Variants in RADIL observed in about 807,000 individuals in gnomAD.
The protein encoded by RADIL is ras-associating and dilute domain-containing protein.
A neutral mutation model predicts 97.6 loss-of-function variants in RADIL; 99 were observed. That is an observed-to-expected ratio of 1.01 (90% CI 0.86 to 1.20). The LOEUF is 1.20. Among genes scored for constraint, RADIL ranks in the 50% most tolerant of loss-of-function variants. The probability of loss-of-function intolerance (pLI) is 0.00; values close to 1 mark genes in which losing one functional copy is unlikely to be tolerated. For synonymous variants in RADIL, 803 were observed against 691.8 expected, an observed-to-expected ratio of 1.16 and a Z score of -2.52; for missense variants, 1,765 against 1,498.9, an observed-to-expected ratio of 1.18 and a Z score of -2.93.
At chr7:4,830,344 G>A (rs1427597059) in intron 5 of RADIL, among the ~76,000 whole-genome samples, 3 of 152,138 alleles carry the variant, frequency 2.0e-5, no homozygotes, top group Non-Finnish European at 4.4e-5. Flanking sequence ...GAGTGGGAGC[G>A]TAGGCCGCAG....
intron 9 of RADIL, chr7:4,808,821 G>GACGCCACTGCCCCTCCGCGTCTCCTTCCA (rs758444451): frequency 2.2e-6 from 2 of 925,390 alleles, no homozygotes; most frequent in Non-Finnish European, 2.5e-6. Context: ...GTCTCCTTCC[G>GACGCCACTGCCCCTCCGCGTCTCCTTCCA]ACGCCACTGC....
rs1360109092 is a variant in RADIL at position 4,821,178 on chromosome 7, C to T, written c.1615+1216G>A. Among the ~76,000 whole-genome samples, 1 of 152,214 alleles carries T rather than the reference C, an allele frequency of 6.6e-6. No individual in the cohort carries two copies. The highest frequency in any genetic ancestry group is 2.4e-5 in the African/African-American group (1 of 41,450). On this transcript the variant is annotated intron_variant, in intron 6 of 14. Coordinates refer to ENST00000399583, the MANE Select transcript of RADIL (RefSeq NM_018059.5). The surrounding 1 kb of genome is among the most constrained non-coding windows in gnomAD (Gnocchi z 5.2). ...GCCTGGAGCAGCTCTGAATGCACCACTCCCTACCCGGATCCTCCAGAAGCC... is the reference window on the plus strand; with the variant it reads ...GCCTGGAGCAGCTCTGAATGCACCATTCCCTACCCGGATCCTCCAGAAGCC...
rs768192157 is a variant in RADIL at position 4,800,307 on chromosome 7, T to G, written c.2846A>C (p.Asp949Ala). ...SGLRGAAPEG[D>A]SAALAEESPP... ...GGACTCCTCCGCAAGGGCTGCAGAGTCTCCTGGGTGGGGGCCAGGAAAGGT... is the reference window on the plus strand; with the variant it reads ...GGACTCCTCCGCAAGGGCTGCAGAGGCTCCTGGGTGGGGGCCAGGAAAGGT... The change falls in exon 13 of 15, where the codon GAC becomes GCC. Residue 949 changes from aspartate to alanine, a missense_variant. Asp to Ala is a moderately radical substitution (Grantham distance 126, BLOSUM62 -2). Coordinates refer to ENST00000399583, the MANE Select transcript of RADIL (RefSeq NM_018059.5). 5.5e-6 allele frequency: 8 copies of G among 1,450,206 alleles called. No individual in the cohort carries two copies. Among genetic ancestry groups the G allele is most frequent in the Non-Finnish European group, 6.4e-6 (7 of 1,101,948 alleles). 89.8% of individuals were successfully genotyped at this position (1,450,206 alleles called of 1,614,324 possible).
chr7:4,847,913 C>T (rs892745347), intron 2 of RADIL, among the ~76,000 whole-genome samples: 3 of 151,866 alleles, frequency 2.0e-5, no homozygotes, highest in Non-Finnish European at 4.4e-5. Context: ...GAAAACGTGC[C>T]GGCCGGGTGC....
chr7:4,832,793 T>G (rs1283735791), intron 4 of RADIL, among the ~76,000 whole-genome samples: 1 of 151,698 alleles, frequency 6.6e-6, no homozygotes, highest in Non-Finnish European at 1.5e-5. Flanking sequence ...AGTAAGTTAT[T>G]ATCCGGCTGA....
intron 5 of RADIL, among the ~76,000 whole-genome samples, chr7:4,825,510 A>C (rs1319925931): frequency 6.6e-6 from 1 of 152,182 alleles, no homozygotes; most frequent in African/African-American, 2.4e-5. Flanking sequence ...TGAGAAAGCA[A>C]ACCACAGACA....
intron 2 of RADIL, among the ~76,000 whole-genome samples, chr7:4,852,010 C>G (rs1273864102): frequency 6.6e-6 from 1 of 152,222 alleles, no homozygotes; most frequent in East Asian, 1.9e-4. Context: ...TTCAAGAGCA[C>G]TGTCCCTCCA....
At chr7:4,803,886 G>A (rs1782202486) in intron 10 of RADIL, 132 bp from the exon 11 acceptor site, 4 of 839,304 alleles carry the variant, frequency 4.8e-6, no homozygotes, top group Non-Finnish European at 7.9e-6. Context: ...GTGGACACAG[G>A]AGGCTGGGAT....
Position 4,816,123 on chromosome 7 carries a change from C to T in RADIL, c.1966+105G>A, listed in dbSNP as rs1333885585. 4 of 1,125,134 alleles carry T rather than the reference C, an allele frequency of 3.6e-6. No individual in the cohort carries two copies. The African/African-American group carries it at 6.2e-5, about 18-fold the overall frequency. The allele number at this position is 1,125,134 out of a possible 1,614,324, so 69.7% of individuals were successfully genotyped here. A position where few individuals can be genotyped will look rare whatever the true frequency, so the allele number is the denominator to read the frequency against. ...ACCAGACGCTCAGGGAGCAGGAGGC[C>T]AAAAAGGGCAGAGCCGCCTCCAGGA... On this transcript the variant is annotated intron_variant, in intron 8 of 14. Coordinates refer to ENST00000399583, the MANE Select transcript of RADIL (RefSeq NM_018059.5).
intron 2 of RADIL, chr7:4,860,442 G>A: frequency 6.2e-7 from 1 of 1,614,160 alleles, no homozygotes; most frequent in Non-Finnish European, 8.5e-7. Context: ...TCATAGGTGA[G>A]ATCAATGCTG....
chr7:4,802,079 A>AGGGCCGCC (rs1215553594), intron 11 of RADIL, 84 bp from the exon 12 acceptor site: 5 of 1,195,724 alleles, frequency 4.2e-6, no homozygotes, highest in Non-Finnish European at 5.7e-6. Flanking sequence ...CTGCAGCAGA[A>AGGGCCGCC]GGGCCGCCAG....
rs1243683674 is a variant in RADIL at position 4,873,632 on chromosome 7, T to C, written c.535+3973A>G. ...TTTGAAACTACACCACCCACTTCAG[T>C]AGGATTTGTTTCACTGCAGCCCCCC... On this transcript the variant is annotated intron_variant, in intron 2 of 14. Transcript: ENST00000399583. The surrounding 1 kb of genome is among the most constrained non-coding windows in gnomAD (Gnocchi z 4.3). Among the ~76,000 whole-genome samples, 1 of 152,158 alleles carries C rather than the reference T, an allele frequency of 6.6e-6. No individual in the cohort carries two copies. Among genetic ancestry groups the C allele is most frequent in the Non-Finnish European group, 1.5e-5 (1 of 68,026 alleles).
At chr7:4,833,952 C>A (rs964180990) in intron 4 of RADIL, among the ~76,000 whole-genome samples, 1 of 152,112 alleles carries the variant, frequency 6.6e-6, no homozygotes, top group Non-Finnish European at 1.5e-5. Flanking sequence ...AGAGGGTGAC[C>A]GGCATCTAGG....
rs775143496 is a variant in RADIL at position 4,799,348 on chromosome 7, C to T, written c.*30G>A. 9 of 1,606,448 alleles carry T rather than the reference C, an allele frequency of 5.6e-6. No homozygotes were observed. Among genetic ancestry groups the T allele is most frequent in the South Asian group, 2.2e-5 (2 of 90,916 alleles). On this transcript the variant is annotated 3_prime_UTR_variant, in exon 15 of 15. Coordinates refer to ENST00000399583, the MANE Select transcript of RADIL (RefSeq NM_018059.5). ...AGTGTCACCAGGTGGGACCGGGTGCCGGGCCTGTGGGGGTGTCCTCGCAGC... is the reference window on the plus strand; with the variant it reads ...AGTGTCACCAGGTGGGACCGGGTGCTGGGCCTGTGGGGGTGTCCTCGCAGC...
chr7:4,847,598 G>T (rs537143245), intron 2 of RADIL, among the ~76,000 whole-genome samples: 1 of 152,130 alleles, frequency 6.6e-6, no homozygotes, highest in Non-Finnish European at 1.5e-5. Flanking sequence ...TAATCCAAAT[G>T]TCCATCAACG....
At chr7:4,841,600 G>A (rs1169143712) in intron 2 of RADIL, among the ~76,000 whole-genome samples, 4 of 152,188 alleles carry the variant, frequency 2.6e-5, no homozygotes, top group East Asian at 3.9e-4. Flanking sequence ...CACTCTAGTG[G>A]AGAGGCAGAA....
intron 2 of RADIL, among the ~76,000 whole-genome samples, chr7:4,848,918 C>T (rs1054773355): frequency 6.6e-6 from 1 of 152,156 alleles, no homozygotes; most frequent in South Asian, 2.1e-4. Context: ...GCGGGCAGAT[C>T]ACCTGAGGTC....
In RADIL at chr7:4,819,094, CAG is replaced by C. The variant is rs200745764; in HGVS notation, c.1616-1745_1616-1744del. On this transcript the variant is annotated intron_variant, in intron 6 of 14. Coordinates refer to ENST00000399583, the MANE Select transcript of RADIL (RefSeq NM_018059.5). This position sits in a 1 kb window ranked among gnomAD's most constrained non-coding sequence, Gnocchi z 5.8. ...TCTCTTTTTTTTTTTTTTTTAAAGA[CAG>C]AGTCTCACTCTGTCGCCCAGGCTGG... 0.029 allele frequency among the ~76,000 whole-genome samples: 4,188 copies of C among 142,666 alleles called. 207 individuals are homozygous for C. The highest frequency in any genetic ancestry group is 0.1 in the African/African-American group (3,886 of 37,744). The allele number at this position is 142,666 out of a possible 152,430, so 93.6% of individuals were successfully genotyped here. A position where few individuals can be genotyped will look rare whatever the true frequency, so the allele number is the denominator to read the frequency against.
chr7:4,879,564 C>T lies in RADIL; in HGVS notation c.-64-1361G>A, dbSNP rs1365826795. Among the ~76,000 whole-genome samples, 1 of 152,122 alleles carries T rather than the reference C, an allele frequency of 6.6e-6. No homozygotes were observed. The highest frequency in any genetic ancestry group is 2.4e-5 in the African/African-American group (1 of 41,444). On this transcript the variant is annotated intron_variant, in intron 1 of 14. Coordinates refer to ENST00000399583, the MANE Select transcript of RADIL (RefSeq NM_018059.5). This position sits in a 1 kb window ranked among gnomAD's most constrained non-coding sequence, Gnocchi z 4.1. Reference sequence around the variant, plus strand: ...GGTCCAGGTCCCAGTGAACACAGCACGGGTCGCCTGCCACTGCGACCGGGG... The same window carrying T: ...GGTCCAGGTCCCAGTGAACACAGCATGGGTCGCCTGCCACTGCGACCGGGG...
Sources: gnomAD v4.1 joint callset for allele counts (sites outside exome capture counted in the v4.1 genomes callset) on GRCh38, gnomAD v4.1.1 for gene constraint, Gnocchi (gnomAD v3.1) non-coding constraint, MANE v1.5 for transcripts, NCBI Gene and HGNC (gene_info 2026-07-23, HGNC 2026-07-21) for gene names.